The following RORB variants were observed in gnomAD, a reference collection of about 807,000 sequenced individuals.
RORB encodes the protein nuclear receptor ROR-beta.
In RORB, 6 loss-of-function variants were observed where a neutral mutation model predicts 59.1. That is an observed-to-expected ratio of 0.10 (90% CI 0.06 to 0.20). The LOEUF is 0.20. Among genes scored for constraint, RORB ranks in the 10% least tolerant of loss-of-function variants. The pLI, the probability that RORB is intolerant of heterozygous loss-of-function variation, is 1.00. For missense variants in RORB, 320 were observed against 560.5 expected, an observed-to-expected ratio of 0.57 and a Z score of 4.33; for synonymous variants, 215 against 204.5, an observed-to-expected ratio of 1.05 and a Z score of -0.44.
chr9:74,563,478 C>T (rs1034125382), intron 1 of RORB, among the ~76,000 whole-genome samples: 6 of 152,218 alleles, frequency 3.9e-5, no homozygotes, highest in Non-Finnish European at 7.3e-5. Context: ...GCCATCATGC[C>T]TGGCCCTCAG....
intron 1 of RORB, among the ~76,000 whole-genome samples, chr9:74,519,684 C>T (rs1826056711): frequency 6.6e-6 from 1 of 151,934 alleles, no homozygotes; most frequent in South Asian, 2.1e-4. Context: ...TTTACAATTC[C>T]CGACAGTCTG....
At chr9:74,557,479 A>T (rs1822324087) in intron 1 of RORB, among the ~76,000 whole-genome samples, 1 of 152,168 alleles carries the variant, frequency 6.6e-6, no homozygotes, top group Non-Finnish European at 1.5e-5. Context: ...ATCTCTGGAT[A>T]TTTTAAGGGA....
intron 1 of RORB, among the ~76,000 whole-genome samples, chr9:74,622,274 G>A (rs918111163): frequency 3.9e-5 from 6 of 152,118 alleles, no homozygotes; most frequent in Admixed American, 3.3e-4. Context: ...AAAGAGAGAC[G>A]AGTTTTATTT....
chr9:74,575,955 G>A (rs1216118784), intron 1 of RORB, among the ~76,000 whole-genome samples: 1 of 152,072 alleles, frequency 6.6e-6, no homozygotes, highest in Non-Finnish European at 1.5e-5. Flanking sequence ...GGATTTCTTT[G>A]CCTCCTTCTT....
chr9:74,577,522 G>A (rs1174617155), intron 1 of RORB, among the ~76,000 whole-genome samples: 1 of 152,032 alleles, frequency 6.6e-6, no homozygotes, highest in Non-Finnish European at 1.5e-5. Flanking sequence ...ATTTCTATTT[G>A]GAAGAAACTG....
chr9:74,616,727 G>A (rs1428536005), intron 1 of RORB, among the ~76,000 whole-genome samples: 1 of 152,112 alleles, frequency 6.6e-6, no homozygotes, highest in Non-Finnish European at 1.5e-5. Context: ...CAGGTGAACA[G>A]AAATGTTTCT....
intron 1 of RORB, among the ~76,000 whole-genome samples, chr9:74,621,410 G>A (rs1014227668): frequency 2.0e-5 from 3 of 152,000 alleles, no homozygotes; most frequent in South Asian, 2.1e-4. Flanking sequence ...ATATATTTTC[G>A]TGGCTTAATA....
At chr9:74,678,086 G>A (rs1689686188) in intron 9 of RORB, among the ~76,000 whole-genome samples, 1 of 152,182 alleles carries the variant, frequency 6.6e-6, no homozygotes, top group Admixed American at 6.5e-5. Context: ...TATGGGCCAG[G>A]CACTGTGCTG....
intron 1 of RORB, among the ~76,000 whole-genome samples, chr9:74,615,836 A>G (rs1025816632): frequency 1.3e-5 from 2 of 152,204 alleles, no homozygotes; most frequent in East Asian, 3.8e-4. Context: ...GAAGATATTT[A>G]TATATAAATA....
At chr9:74,634,179 T>C (rs1005880407) in intron 2 of RORB, among the ~76,000 whole-genome samples, 11 of 152,024 alleles carry the variant, frequency 7.2e-5, no homozygotes, top group South Asian at 4.1e-4. Flanking sequence ...CAGTAGTGCA[T>C]ACTCCTCAGT....
intron 9 of RORB, among the ~76,000 whole-genome samples, chr9:74,683,511 T>C (rs1824582976): frequency 6.6e-6 from 1 of 151,740 alleles, no homozygotes; most frequent in African/African-American, 2.4e-5. Context: ...AATCTGGCCA[T>C]GCACACCTCT....
intron 4 of RORB, among the ~76,000 whole-genome samples, chr9:74,657,037 C>T (rs1824094435): frequency 6.6e-6 from 1 of 152,024 alleles, no homozygotes; most frequent in Non-Finnish European, 1.5e-5. Context: ...AGAAACTGGT[C>T]TAGACTCACT....
At chr9:74,570,421 G>T (rs1297440194) in intron 1 of RORB, among the ~76,000 whole-genome samples, 2 of 152,076 alleles carry the variant, frequency 1.3e-5, no homozygotes, top group East Asian at 1.9e-4. Flanking sequence ...AAGGGAAAAA[G>T]TTGGTCTTAC....
At chr9:74,677,202 C>A (rs1479308566) in intron 9 of RORB, among the ~76,000 whole-genome samples, 1 of 152,176 alleles carries the variant, frequency 6.6e-6, no homozygotes, top group Non-Finnish European at 1.5e-5. Flanking sequence ...GTCCAGCTTT[C>A]CCCATCACAC....
In RORB at chr9:74,502,656, G is replaced by C. The variant is rs143596624; in HGVS notation, c.7+4673G>C. ...ATTAGTTAAAAATTATATATGCATG[G>C]GTCTGCTGGGATTCTGCAAATTTGT... On this transcript the variant is annotated intron_variant, in intron 1 of 9. Transcript: ENST00000376896. Among the ~76,000 whole-genome samples the C allele has an allele frequency of 1.1e-4, 16 of 152,012 alleles. No homozygotes were observed. The East Asian group carries it at 2.9e-3, about 28-fold the overall frequency.
At chr9:74,509,026 C>A (rs1463878080) in intron 1 of RORB, among the ~76,000 whole-genome samples, 2 of 151,972 alleles carry the variant, frequency 1.3e-5, no homozygotes, top group African/African-American at 2.4e-5. Flanking sequence ...TACCGTTTGG[C>A]CAGCATTGGC....
At chr9:74,612,016 C>T (rs186226385) in intron 1 of RORB, among the ~76,000 whole-genome samples, 1 of 152,054 alleles carries the variant, frequency 6.6e-6, no homozygotes, top group African/African-American at 2.4e-5. Flanking sequence ...GGGTTTTATG[C>T]CTAAGGAGCT....
chr9:74,613,177 C>T (rs943818319), intron 1 of RORB, among the ~76,000 whole-genome samples: 2 of 152,168 alleles, frequency 1.3e-5, no homozygotes, highest in African/African-American at 4.8e-5. Context: ...TTACTGAATT[C>T]CCAGTGTGTT....
intron 1 of RORB, among the ~76,000 whole-genome samples, chr9:74,591,820 C>G (rs188232334): frequency 6.6e-6 from 1 of 152,038 alleles, no homozygotes; most frequent in African/African-American, 2.4e-5. Context: ...AGAAGAGACC[C>G]TGGCTTTCAT....
Sources: allele counts gnomAD v4.1 joint callset (sites outside exome capture counted in the v4.1 genomes callset), GRCh38; gene constraint gnomAD v4.1.1; transcripts MANE v1.5; gene names NCBI Gene and HGNC (gene_info 2026-07-23, HGNC 2026-07-21).